Variants in KRT38 observed in about 807,000 individuals in gnomAD.
KRT38 encodes the protein keratin 38, also known as keratin, type I cuticular Ha8.
A neutral mutation model predicts 43.1 loss-of-function variants in KRT38; 45 were observed. The observed-to-expected ratio is 1.04, with a 90% CI of 0.82 to 1.34. The LOEUF is 1.34. Among genes scored for constraint, KRT38 ranks in the 40% most tolerant of loss-of-function variants. KRT38 has a pLI of 0.00. For synonymous variants in KRT38, 258 were observed against 244.0 expected (o/e 1.06, Z -0.53); for missense variants, 627 against 586.2 (o/e 1.07, Z -0.72).
In KRT38 at chr17:41,438,711, A is replaced by G; in HGVS notation, c.880T>C (p.Trp294Arg). The change falls in exon 4 of 7, where the codon TGG (tryptophan) becomes CGG (arginine). Residue 294 changes from tryptophan (W) to arginine (R), a missense_variant. By Grantham distance (101) the Trp-to-Arg change is moderately radical (BLOSUM62 -3). Coordinates refer to ENST00000246646, the MANE Select transcript of KRT38 (RefSeq NM_006771.4). Reference sequence around the variant, plus strand: ...CCCCCACTCACCTGGGCTTGGAACCACTGTTCCACATCCTGGCGGTTGGTC... The same window carrying G: ...CCCCCACTCACCTGGGCTTGGAACCGCTGTTCCACATCCTGGCGGTTGGTC... Reference protein sequence around the residue: ...LETNRQDVEQWFQAQSEGISL... With the variant: ...LETNRQDVEQRFQAQSEGISL... The G allele has an allele frequency of 1.2e-6, 2 of 1,613,318 alleles. No homozygotes were observed. The highest frequency in any genetic ancestry group is 1.7e-6 in the Non-Finnish European group (2 of 1,179,778).
In KRT38 at chr17:41,440,979, A is replaced by G. The variant is rs1567696757; in HGVS notation, c.-58T>C. 2.2e-5 allele frequency: 33 copies of G among 1,508,660 alleles called. No individual in the cohort carries two copies. Among genetic ancestry groups the G allele is most frequent in the South Asian group, 8.2e-5 (6 of 73,208 alleles). 93.5% of individuals were successfully genotyped at this position (1,508,660 alleles called of 1,614,324 possible). A position where few individuals can be genotyped will look rare whatever the true frequency, so the allele number is the denominator to read the frequency against. On this transcript the variant is annotated 5_prime_UTR_variant, in exon 1 of 7. Coordinates refer to ENST00000246646, the MANE Select transcript of KRT38 (RefSeq NM_006771.4). ...ATCAGCTGGGAAAGCTGAACCACTGAGACTGAAGCCTCCTCTCCTCCCAGC... is the reference window on the plus strand; with the variant it reads ...ATCAGCTGGGAAAGCTGAACCACTGGGACTGAAGCCTCCTCTCCTCCCAGC...
chr17:41,439,036 C>G (rs1357993003), intron 3 of KRT38, among the ~76,000 whole-genome samples, 167 bp downstream of exon 3: 1 of 152,244 alleles, frequency 6.6e-6, no homozygotes, highest in East Asian at 1.9e-4. Flanking sequence ...TCCTCATGCC[C>G]AAGGCAAGTC....
In KRT38 at chr17:41,440,672, G is replaced by A; in HGVS notation, c.250C>T (p.His84Tyr). Residue 84 changes from histidine to tyrosine, a missense_variant, in exon 1 of 7, where the codon CAC becomes TAC. His to Tyr is a moderately conservative substitution (Grantham distance 83, BLOSUM62 2). Transcript: ENST00000246646. ...HTACPLPGTCHIPGNIGICGA... is the reference protein window; with the variant it reads ...HTACPLPGTCYIPGNIGICGA... ...CAGATTCCAATGTTGCCAGGAATGT[G>A]GCAGGTCCCTGGCAAGGGACAAGCA... 6.2e-7 allele frequency: 1 copy of A among 1,614,200 alleles called. No individual in the cohort carries two copies. Among genetic ancestry groups the A allele is most frequent in the Non-Finnish European group, 8.5e-7 (1 of 1,180,046 alleles).
At position 41,438,487 on chromosome 17, in the gene KRT38, G is replaced by A. The variant is rs781010446; in HGVS notation, c.1020+4C>T. ...GCAGTGCAGTGAGAGTGAAGGACAC[G>A]TACCAAGGTGTGCTGGGCTTGGCGC... On this transcript the variant is annotated splice_donor_region_variant and intron_variant, in intron 5 of 6. Transcript: ENST00000246646. The A allele has an allele frequency of 2.0e-5, 33 of 1,614,058 alleles. No individual in the cohort carries two copies. Among genetic ancestry groups the A allele is most frequent in the Non-Finnish European group, 2.5e-5 (29 of 1,180,044 alleles).
rs769535514 is a variant in KRT38, at chr17:41,438,498, T to G, written c.1013A>C (p.His338Pro). Residue 338 changes from histidine to proline, a missense_variant, in exon 5 of 7, where the codon CAC becomes CCC. Coordinates refer to ENST00000246646, the MANE Select transcript of KRT38 (RefSeq NM_006771.4). Reference protein sequence around the residue: ...NALEVERQAQHTLKDCLQNSL... With the variant: ...NALEVERQAQPTLKDCLQNSL... Reference sequence around the variant, plus strand: ...AGAGTGAAGGACACGTACCAAGGTGTGCTGGGCTTGGCGCTCCACCTCCAG... The same window carrying G: ...AGAGTGAAGGACACGTACCAAGGTGGGCTGGGCTTGGCGCTCCACCTCCAG... The G allele has an allele frequency of 1.2e-6, 2 of 1,614,144 alleles. No homozygotes were observed. Among genetic ancestry groups the G allele is most frequent in the African/African-American group, 1.3e-5 (1 of 75,026 alleles).
chr17:41,439,460 T>A (rs759617990), intron 2 of KRT38, 101 bp from the exon 3 acceptor site: 8 of 1,360,308 alleles, frequency 5.9e-6, no homozygotes, highest in Non-Finnish European at 8.0e-6. Context: ...TCCTCATTTA[T>A]TCACTCTGTT....
intron 2 of KRT38, 84 bp downstream of exon 2, chr17:41,440,077 A>G (rs987679756): frequency 9.1e-7 from 1 of 1,095,934 alleles, no homozygotes; most frequent in East Asian, 2.4e-5. Context: ...AGAAATGACA[A>G]TGATTCCCTC....
At position 41,436,395 on chromosome 17, in the gene KRT38, C is replaced by T. The variant is rs1308330620; in HGVS notation, c.*1017G>A. On this transcript the variant is annotated 3_prime_UTR_variant, in exon 7 of 7. Transcript: ENST00000246646. Reference sequence around the variant, plus strand: ...TCAGAGGAAGGAACATTTCCGCTGACCTGAACATTTATAAGGAGGGGGAAG... The same window carrying T: ...TCAGAGGAAGGAACATTTCCGCTGATCTGAACATTTATAAGGAGGGGGAAG... 1.3e-5 allele frequency: 2 copies of T among 152,080 alleles called. No individual in the cohort carries two copies. Among genetic ancestry groups the T allele is most frequent in the African/African-American group, 4.8e-5 (2 of 41,328 alleles). The allele number at this position is 152,080 out of a possible 1,614,324, so 9.4% of individuals were successfully genotyped here.
Position 41,437,193 on chromosome 17 carries a change from G to C in KRT38, c.*219C>G, listed in dbSNP as rs2018734690. The stretch of plus-strand genomic sequence containing the variant: ...ATCCAGATATTCTGAGCCACCATGG[G>C]TGGCTGCAATCCAGCCACTGAGGGC... On this transcript the variant is annotated 3_prime_UTR_variant, in exon 7 of 7. Coordinates refer to ENST00000246646, the MANE Select transcript of KRT38 (RefSeq NM_006771.4). 1.4e-5 allele frequency: 6 copies of C among 420,120 alleles called. No homozygotes were observed. The highest frequency in any genetic ancestry group is 2.4e-5 in the Non-Finnish European group (6 of 245,542). The allele number at this position is 420,120 out of a possible 1,614,324, so 26.0% of individuals were successfully genotyped here. A position where few individuals can be genotyped will look rare whatever the true frequency, so the allele number is the denominator to read the frequency against.
intron 6 of KRT38, 106 bp downstream of exon 6, chr17:41,437,987 T>G: frequency 9.3e-7 from 1 of 1,076,056 alleles, no homozygotes. Flanking sequence ...TGAAAAGGAG[T>G]GCACAGAGAG....
Position 41,439,363 on chromosome 17 carries a change from T to C in KRT38, c.576-4A>G. 6.2e-7 allele frequency: 1 copy of C among 1,613,566 alleles called. No homozygotes were observed. The highest frequency in any genetic ancestry group is 8.5e-7 in the Non-Finnish European group (1 of 1,179,796). On this transcript the variant is annotated splice_region_variant and splice_polypyrimidine_tract_variant and intron_variant, in intron 2 of 6. Transcript: ENST00000246646. Reference sequence around the variant, plus strand: ...CAGGGAGCGCTCACTCTCCAGCCTTTCATCACAGGAGGTACAGGGTCAAAA... The same window carrying C: ...CAGGGAGCGCTCACTCTCCAGCCTTCCATCACAGGAGGTACAGGGTCAAAA...
chr17:41,437,125 C>T lies in KRT38; in HGVS notation c.*287G>A. Reference sequence around the variant, plus strand: ...GTGCAAGTGCAATTTTAAATCATGCCGTGTTCCTACTCCAAAATGCTTTTC... The same window carrying T: ...GTGCAAGTGCAATTTTAAATCATGCTGTGTTCCTACTCCAAAATGCTTTTC... On this transcript the variant is annotated 3_prime_UTR_variant, in exon 7 of 7. Coordinates refer to ENST00000246646, the MANE Select transcript of KRT38 (RefSeq NM_006771.4). 3.2e-6 allele frequency: 1 copy of T among 315,394 alleles called. No individual in the cohort carries two copies. Among genetic ancestry groups the T allele is most frequent in the Non-Finnish European group, 5.8e-6 (1 of 173,172 alleles). The allele number at this position is 315,394 out of a possible 1,614,324, so 19.5% of individuals were successfully genotyped here.
intron 3 of KRT38, 48 bp from the exon 4 acceptor site, chr17:41,438,906 T>C (rs775243701): frequency 6.2e-7 from 1 of 1,601,440 alleles, no homozygotes; most frequent in Non-Finnish European, 8.5e-7. Flanking sequence ...GAAAGGGCCT[T>C]TGATGGAGCA....
chr17:41,437,627 AC>A, intron 6 of KRT38, 86 bp from the exon 7 acceptor site: 1 of 1,387,776 alleles, frequency 7.2e-7, no homozygotes, highest in Non-Finnish European at 9.6e-7. Flanking sequence ...AGGAGTCCCC[AC>A]TGCAAAACAA....
chr17:41,438,652 A>T (rs368580686), intron 4 of KRT38, 36 bp from the exon 5 acceptor site: 29 of 1,610,448 alleles, frequency 1.8e-5, no homozygotes, highest in Non-Finnish European at 2.1e-5. Flanking sequence ...CTCCCTGCCC[A>T]GATGGAGGCC....
chr17:41,438,838 A>T lies in KRT38; in HGVS notation c.753T>A (p.Ser251Arg). The T allele has an allele frequency of 6.2e-7, 1 of 1,613,808 alleles. No homozygotes were observed. The highest frequency in any genetic ancestry group is 8.5e-7 in the Non-Finnish European group (1 of 1,179,934). The change falls in exon 4 of 7, where the codon AGT becomes AGA. Residue 251 changes from serine (S) to arginine (R), a missense_variant. By Grantham distance (110) the Ser-to-Arg change is moderately radical (BLOSUM62 -1). Transcript: ENST00000246646. ...NHEQEVKILRSQLGEKLRIEL... is the reference protein window; with the variant it reads ...NHEQEVKILRRQLGEKLRIEL... ...CAATCCGGAGCTTCTCCCCCAGCTG[A>T]CTCCTCAGAATCTTTACTTCCTGCA...
Position 41,440,935 on chromosome 17 carries a change from G to A in KRT38, c.-14C>T, listed in dbSNP as rs758250553. Reference sequence around the variant, plus strand: ...GGAAGAGGTCATGGTGTTGGGCTGAGGCTGCACAGGAGCTTCAGATCAGCT... The same window carrying A: ...GGAAGAGGTCATGGTGTTGGGCTGAAGCTGCACAGGAGCTTCAGATCAGCT... On this transcript the variant is annotated 5_prime_UTR_variant, in exon 1 of 7. Transcript: ENST00000246646. The A allele has an allele frequency of 2.0e-6, 3 of 1,517,936 alleles. No individual in the cohort carries two copies. The highest frequency in any genetic ancestry group is 2.6e-6 in the Non-Finnish European group (3 of 1,135,344). 94.0% of individuals were successfully genotyped at this position (1,517,936 alleles called of 1,614,324 possible).
intron 1 of KRT38, 52 bp downstream of exon 1, chr17:41,440,378 T>A: frequency 6.2e-7 from 1 of 1,601,776 alleles, no homozygotes; most frequent in Non-Finnish European, 8.5e-7. Context: ...ATTCCTCCTG[T>A]CTTGCCTCTG....
Position 41,440,264 on chromosome 17 carries a change from G to C in KRT38, c.493-21C>G. ...AGGATCTGAGGAGAACAGGAAGACA[G>C]TTCACACACAAAGCATCATGCCCTA... On this transcript the variant is annotated intron_variant, in intron 1 of 6. Coordinates refer to ENST00000246646, the MANE Select transcript of KRT38 (RefSeq NM_006771.4). The C allele has an allele frequency of 1.9e-6, 3 of 1,613,308 alleles. No individual in the cohort carries two copies. The South Asian group carries it at 3.3e-5, about 18-fold the overall frequency.
Sources: gnomAD v4.1 joint callset for allele counts (sites outside exome capture counted in the v4.1 genomes callset) on GRCh38, gnomAD v4.1.1 for gene constraint, MANE v1.5 for transcripts, NCBI Gene and HGNC (gene_info 2026-07-23, HGNC 2026-07-21) for gene names.